Variants in SMIM14 observed in about 807,000 individuals in gnomAD.
SMIM14 encodes the protein chromosome 4 open reading frame 34.
SMIM14 carries 5 observed loss-of-function variants against 12.6 expected under a neutral mutation model. The observed-to-expected ratio is 0.40, with a 90% CI of 0.21 to 0.83. The LOEUF (loss-of-function observed/expected upper bound fraction) is 0.83. SMIM14 is among the 40% of genes least tolerant of loss of function. The pLI is 0.37. For synonymous variants in SMIM14, 30 were observed against 40.1 expected (o/e 0.75, Z 0.95); for missense variants, 86 against 119.1 (o/e 0.72, Z 1.29).
chr4:39,620,861 T>C (rs1715460365), intron 1 of SMIM14, among the ~76,000 whole-genome samples: 3 of 152,080 alleles, frequency 2.0e-5, no homozygotes, highest in African/African-American at 7.2e-5. Flanking sequence ...CACACACACA[T>C]ACATAATTAC....
At chr4:39,597,028 G>A (rs1318840338) in intron 2 of SMIM14, among the ~76,000 whole-genome samples, 1 of 151,340 alleles carries the variant, frequency 6.6e-6, no homozygotes, top group East Asian at 1.9e-4. Context: ...TGCCTGCCTT[G>A]GCCTCCCAAA....
In SMIM14 at chr4:39,559,508, G is replaced by A. The variant is rs555273423; in HGVS notation, c.125-2938C>T. On this transcript the variant is annotated intron_variant, in intron 3 of 4. Coordinates refer to ENST00000295958, the MANE Select transcript of SMIM14 (RefSeq NM_174921.3). ...CAGCTTGTCAAGACCACAGCTGTTTGGTTTTGATCTCCTTGCCTCAGGAAA... is the reference window on the plus strand; with the variant it reads ...CAGCTTGTCAAGACCACAGCTGTTTAGTTTTGATCTCCTTGCCTCAGGAAA... Among the ~76,000 whole-genome samples the A allele has an allele frequency of 2.0e-5, 3 of 152,298 alleles. No homozygotes were observed. In the East Asian group the frequency reaches 5.8e-4, roughly 29 times the overall value.
At chr4:39,597,519 C>T (rs1316423757) in intron 2 of SMIM14, among the ~76,000 whole-genome samples, 1 of 147,856 alleles carries the variant, frequency 6.8e-6, no homozygotes, top group Non-Finnish European at 1.5e-5. Context: ...TCTAAGCTCA[C>T]TGCAAGCTCT....
intron 1 of SMIM14, among the ~76,000 whole-genome samples, chr4:39,622,066 A>T (rs1715516793): frequency 6.6e-6 from 1 of 152,092 alleles, no homozygotes; most frequent in Non-Finnish European, 1.5e-5. Flanking sequence ...TAAACATAGC[A>T]AATGCACTTT....
intron 2 of SMIM14, among the ~76,000 whole-genome samples, chr4:39,578,814 G>A (rs1261523920): frequency 1.3e-5 from 2 of 151,846 alleles, no homozygotes; most frequent in African/African-American, 2.4e-5. Flanking sequence ...TGGCCAAAAT[G>A]GTGTAACCCT....
chr4:39,626,746 GA>G (rs1433753405), intron 1 of SMIM14, among the ~76,000 whole-genome samples: 5 of 152,160 alleles, frequency 3.3e-5, no homozygotes, highest in Admixed American at 3.3e-4. Flanking sequence ...AAGGAAAGGA[GA>G]ACGCTTTTCT....
chr4:39,626,978 A>G (rs1005757315), intron 1 of SMIM14, among the ~76,000 whole-genome samples: 1 of 152,204 alleles, frequency 6.6e-6, no homozygotes, highest in Non-Finnish European at 1.5e-5. Flanking sequence ...AGACTGGGTA[A>G]CTTACAAACA....
At chr4:39,610,054 G>A (rs532213839) in intron 1 of SMIM14, among the ~76,000 whole-genome samples, 23 of 152,208 alleles carry the variant, frequency 1.5e-4, no homozygotes, top group Middle Eastern at 3.4e-3. Flanking sequence ...GCAGTGGCGC[G>A]AACACACCTC....
chr4:39,559,339 A>T lies in SMIM14; in HGVS notation c.125-2769T>A, dbSNP rs566278144. Among the ~76,000 whole-genome samples, 57 of 151,798 alleles carry T rather than the reference A, an allele frequency of 3.8e-4. 1 individual carries two copies. The highest frequency in any genetic ancestry group is 1.3e-3 in the African/African-American group (53 of 41,360). Reference sequence around the variant, plus strand: ...AGAAGGCAGAGGTTGTAGTGAGCTCAGATTACACCACTGCACTCCAGCCTG... The same window carrying T: ...AGAAGGCAGAGGTTGTAGTGAGCTCTGATTACACCACTGCACTCCAGCCTG... On this transcript the variant is annotated intron_variant, in intron 3 of 4. Transcript: ENST00000295958.
rs35765334 is a variant in SMIM14, at chr4:39,610,450, C to CTT, written c.-35-5272_-35-5271dup. On this transcript the variant is annotated intron_variant, in intron 1 of 4. Transcript: ENST00000295958. ...ATTTAATAAATGGCAGGGTGATTGT[C>CTT]TTTTTTTTTAAAGTAAACTGTGACA... is the stretch of plus-strand genomic sequence containing the variant. Among the ~76,000 whole-genome samples, 9 of 151,098 alleles carry CTT rather than the reference C, an allele frequency of 6.0e-5. No individual in the cohort carries two copies. In the East Asian group the frequency reaches 1.6e-3, roughly 26 times the overall value.
chr4:39,631,645 C>T (rs1289058478), intron 1 of SMIM14, among the ~76,000 whole-genome samples: 1 of 145,266 alleles, frequency 6.9e-6, no homozygotes, highest in Admixed American at 7.1e-5. Context: ...GGCCACAGAG[C>T]GAGACTCCGT....
At chr4:39,565,059 AC>A (rs150073421) in intron 3 of SMIM14, among the ~76,000 whole-genome samples, 2,360 of 152,238 alleles carry the variant, frequency 0.016, 48 homozygotes, top group African/African-American at 0.054. Flanking sequence ...AAAATAAAAA[AC>A]AAACAAAATC....
At chr4:39,588,017 C>T (rs1028272335) in intron 2 of SMIM14, 2 of 152,212 alleles carry the variant, frequency 1.3e-5, no homozygotes, top group East Asian at 3.8e-4. Context: ...ACTGACAATA[C>T]TAGCTAAGGT....
chr4:39,604,296 G>T (rs750161156), intron 2 of SMIM14, among the ~76,000 whole-genome samples: 2 of 152,070 alleles, frequency 1.3e-5, no homozygotes, highest in Non-Finnish European at 2.9e-5. Flanking sequence ...CAGCACTTTG[G>T]GGGGCTAAGG....
At chr4:39,578,291 G>A (rs888178282) in intron 2 of SMIM14, among the ~76,000 whole-genome samples, 6 of 152,110 alleles carry the variant, frequency 3.9e-5, no homozygotes, top group Non-Finnish European at 8.8e-5. Context: ...GGTACCACAG[G>A]TGTGTGCTAC....
At chr4:39,598,243 C>T (rs1714455168) in intron 2 of SMIM14, among the ~76,000 whole-genome samples, 1 of 151,962 alleles carries the variant, frequency 6.6e-6, no homozygotes. Context: ...TTTGTACTCA[C>T]TGAAAGGTTT....
intron 1 of SMIM14, among the ~76,000 whole-genome samples, chr4:39,637,726 G>T (rs759074841): frequency 6.6e-6 from 1 of 152,202 alleles, no homozygotes; most frequent in Non-Finnish European, 1.5e-5. Flanking sequence ...ACCCTAAGTG[G>T]AAGGGAATGC....
intron 1 of SMIM14, among the ~76,000 whole-genome samples, chr4:39,633,632 C>A (rs868548958): frequency 2.0e-5 from 3 of 151,996 alleles, no homozygotes; most frequent in African/African-American, 7.3e-5. Context: ...GTAGTATGGA[C>A]CTGTGGTCCT....
chr4:39,600,852 C>T (rs1242167561), intron 2 of SMIM14, among the ~76,000 whole-genome samples: 1 of 151,972 alleles, frequency 6.6e-6, no homozygotes, highest in Non-Finnish European at 1.5e-5. Flanking sequence ...GTCTGGGTGA[C>T]AGAGGGAGAC....
Sources: gnomAD v4.1 joint callset for allele counts (sites outside exome capture counted in the v4.1 genomes callset) on GRCh38, gnomAD v4.1.1 for gene constraint, MANE v1.5 for transcripts, NCBI Gene and HGNC (gene_info 2026-07-23, HGNC 2026-07-21) for gene names.